Variants in SERPINB7 observed in about 807,000 individuals in gnomAD.
SERPINB7 encodes serpin family B member 7.
In SERPINB7, 31 loss-of-function variants were observed where a neutral mutation model predicts 37.4. The ratio of observed to expected loss-of-function variants is 0.83; its 90% CI spans 0.62 to 1.12. The LOEUF (loss-of-function observed/expected upper bound fraction) is 1.12, where lower values mean the gene tolerates loss of function less well. SERPINB7 is among the 50% of genes most tolerant of loss of function. The probability of loss-of-function intolerance (pLI) is 0.00; values close to 1 mark genes in which losing one functional copy is unlikely to be tolerated. For synonymous variants in SERPINB7, 163 were observed against 166.1 expected (o/e 0.98, Z 0.14); for missense variants, 521 against 455.3 (o/e 1.14, Z -1.31).
At chr18:63,794,179 C>T (rs150302785) in intron 4 of SERPINB7, among the ~76,000 whole-genome samples, 61 of 133,126 alleles carry the variant, frequency 4.6e-4, no homozygotes, top group African/African-American at 1.7e-3. Flanking sequence ...CCTGGCTGGT[C>T]TCAAACTCTT....
chr18:63,798,842 T>C (rs909405491), intron 6 of SERPINB7, 96 bp downstream of exon 6: 1 of 1,286,388 alleles, frequency 7.8e-7, no homozygotes, highest in African/African-American at 1.5e-5. Flanking sequence ...AGGTTCACCG[T>C]TTTAAACCCA....
At chr18:63,771,059 G>A (rs2144594797), upstream of SERPINB7, among the ~76,000 whole-genome samples, 1 of 152,018 alleles carries the variant, frequency 6.6e-6, no homozygotes, top group Non-Finnish European at 1.5e-5. Context: ...GGGGTGGGTA[G>A]GTCACATGGC....
chr18:63,759,916 C>G (rs1265835090), intron 1 of SERPINB7, among the ~76,000 whole-genome samples: 1 of 152,150 alleles, frequency 6.6e-6, no homozygotes, highest in African/African-American at 2.4e-5. Context: ...ACCTCTTTTT[C>G]TTCCCAGTCT....
intron 6 of SERPINB7, 61 bp downstream of exon 6, chr18:63,798,807 C>T (rs2049517151): frequency 6.5e-7 from 1 of 1,530,984 alleles, no homozygotes; most frequent in Non-Finnish European, 9.0e-7. Context: ...CTTTGCAGGA[C>T]TGTGATAGTT....
intron 7 of SERPINB7, among the ~76,000 whole-genome samples, chr18:63,801,710 CTG>C (rs1441134862): frequency 3.3e-5 from 5 of 152,066 alleles, no homozygotes; most frequent in African/African-American, 1.2e-4. Flanking sequence ...CCTCTGGACT[CTG>C]TGGGGGCCAG....
chr18:63,795,979 G>C (rs2049483703), intron 4 of SERPINB7, among the ~76,000 whole-genome samples: 1 of 152,140 alleles, frequency 6.6e-6, no homozygotes, highest in African/African-American at 2.4e-5. Context: ...TTTAATATGA[G>C]AACGCAGTGG....
intron 4 of SERPINB7, among the ~76,000 whole-genome samples, chr18:63,795,946 C>G (rs1480149236): frequency 6.6e-6 from 1 of 152,154 alleles, no homozygotes; most frequent in Non-Finnish European, 1.5e-5. Context: ...GCAAGGGAGA[C>G]TGGTTAGGAG....
At chr18:63,773,509 G>GAGCT (rs2049223536), upstream of SERPINB7, among the ~76,000 whole-genome samples, 1 of 152,034 alleles carries the variant, frequency 6.6e-6, no homozygotes, top group Non-Finnish European at 1.5e-5. Context: ...CCTAACTACA[G>GAGCT]AGCTCTATGT....
upstream of SERPINB7, among the ~76,000 whole-genome samples, chr18:63,774,553 G>A (rs2049231288): frequency 6.6e-6 from 1 of 151,732 alleles, no homozygotes; most frequent in Non-Finnish European, 1.5e-5. Flanking sequence ...TGGCAAAGGT[G>A]TAGGCAACCA....
intron 6 of SERPINB7, among the ~76,000 whole-genome samples, chr18:63,800,357 T>C (rs191315269): frequency 1.3e-5 from 2 of 152,238 alleles, no homozygotes; most frequent in Admixed American, 6.5e-5. Flanking sequence ...CCACAGCGCC[T>C]GGTCTTAAAT....
upstream of SERPINB7, among the ~76,000 whole-genome samples, chr18:63,773,149 G>A (rs758747905): frequency 1.3e-5 from 2 of 152,054 alleles, no homozygotes; most frequent in African/African-American, 2.4e-5. Flanking sequence ...CACTTAGAAT[G>A]AATTCACATG....
chr18:63,793,030 G>T, intron 3 of SERPINB7, 131 bp from the exon 4 acceptor site: 1 of 451,072 alleles, frequency 2.2e-6, no homozygotes. Flanking sequence ...ATGTGGCCTT[G>T]TTTGCCATTT....
intron 1 of SERPINB7, among the ~76,000 whole-genome samples, chr18:63,756,031 AAT>A (rs1018242416): frequency 1.3e-5 from 2 of 151,886 alleles, no homozygotes; most frequent in South Asian, 2.1e-4. Flanking sequence ...TTGATATATA[AAT>A]ATATATATAC....
At position 63,769,883 on chromosome 18, in the gene SERPINB7, G is replaced by A. The variant is rs533099050; in HGVS notation, c.-18-12472G>A. On this transcript the variant is annotated intron_variant, in intron 1 of 7. Coordinates refer to the SERPINB7 transcript ENST00000336429. The stretch of plus-strand genomic sequence containing the variant: ...GATTGTCCTCAAACCCTCTACCTGG[G>A]AGGGGAAGGGGTGCTACACTTTTGC... Among the ~76,000 whole-genome samples, 15 of 151,776 alleles carry A rather than the reference G, an allele frequency of 9.9e-5. No homozygotes were observed. The South Asian group carries it at 1.9e-3, about 19-fold the overall frequency.
chr18:63,793,831 A>C (rs978870115), intron 4 of SERPINB7, among the ~76,000 whole-genome samples: 8 of 151,950 alleles, frequency 5.3e-5, no homozygotes, highest in Non-Finnish European at 1.2e-4. Flanking sequence ...CTTAAGTTTT[A>C]TGTATTTTTT....
chr18:63,795,810 A>G (rs1443220454), intron 4 of SERPINB7, among the ~76,000 whole-genome samples: 3 of 152,164 alleles, frequency 2.0e-5, no homozygotes, highest in African/African-American at 7.2e-5. Flanking sequence ...AGTAAGGAGA[A>G]AGTGGCTATG....
At chr18:63,754,880 C>CTTTTTTTTT (rs71162676) in intron 1 of SERPINB7, among the ~76,000 whole-genome samples, 8 of 57,980 alleles carry the variant, frequency 1.4e-4, no homozygotes, top group African/African-American at 3.6e-4. Flanking sequence ...AAACTGAGGT[C>CTTTTTTTTT]TTTTTTTTTT....
At chr18:63,791,763 A>C (rs1232285443) in intron 2 of SERPINB7, among the ~76,000 whole-genome samples, 1 of 148,526 alleles carries the variant, frequency 6.7e-6, no homozygotes, top group African/African-American at 2.5e-5. Context: ...GGCGCCCACC[A>C]CCACAACCAG....
chr18:63,804,383 A>G lies in SERPINB7; in HGVS notation c.891A>G (p.Lys297=), dbSNP rs1318881952. The G allele has an allele frequency of 2.5e-6, 4 of 1,613,746 alleles. No individual in the cohort carries two copies. The highest frequency in any genetic ancestry group is 3.4e-6 in the Non-Finnish European group (4 of 1,179,884). The change falls in exon 8 of 8, where the codon AAA becomes AAG. Residue 297 remains lysine, a synonymous_variant. Transcript: ENST00000398019. The stretch of plus-strand genomic sequence containing the variant: ...AATATTTGAGAGCCCTAGGGCTGAA[A>G]GATATCTTTGATGAATCCAAAGCAG... ...MKQYLRALGL[K]DIFDESKADL...
Sources: allele counts gnomAD v4.1 joint callset (sites outside exome capture counted in the v4.1 genomes callset), GRCh38; gene constraint gnomAD v4.1.1; transcripts MANE v1.5; gene names NCBI Gene and HGNC (gene_info 2026-07-23, HGNC 2026-07-21).